The following FANCL variants were observed in gnomAD, a reference collection of about 807,000 sequenced individuals.
The protein encoded by FANCL is FA complementation group L.
Under a neutral mutation model 59.4 loss-of-function variants are expected in FANCL, and 69 were observed. That is an observed-to-expected ratio of 1.16 (90% CI 0.96 to 1.42). The LOEUF is 1.42. Among genes scored for constraint, FANCL ranks in the 40% most tolerant of loss-of-function variants. FANCL has a pLI of 0.00. For synonymous variants in FANCL, 180 were observed against 147.1 expected (o/e 1.22, Z -1.62); for missense variants, 519 against 447.2 (o/e 1.16, Z -1.45).
rs764186411 is a variant in FANCL at position 58,161,578 on chromosome 2, G to C, written c.964C>G (p.Gln322Glu). Residue 322 changes from glutamine (Q) to glutamate (E), a missense_variant, in exon 12 of 14, where the codon CAA becomes GAA. Gln to Glu is a conservative substitution (Grantham distance 29). Coordinates refer to ENST00000233741, the MANE Select transcript of FANCL (RefSeq NM_018062.4). ...AYQLDGTIPDQVCDNSQCGQP... is the reference protein window; with the variant it reads ...AYQLDGTIPDEVCDNSQCGQP... ...CCACACTGAGAATTATCACACACTT[G>C]ATCAGGAATGGTACCGTCAAGTTGA... 4 of 1,611,442 alleles carry C rather than the reference G, an allele frequency of 2.5e-6. No individual in the cohort carries two copies. The highest frequency in any genetic ancestry group is 3.4e-6 in the Non-Finnish European group (4 of 1,178,090).
chr2:58,171,550 A>C (rs1461655914), intron 7 of FANCL, among the ~76,000 whole-genome samples: 3 of 152,202 alleles, frequency 2.0e-5, no homozygotes, highest in African/African-American at 7.2e-5. Context: ...AGATAGAGAC[A>C]CGAAAAACCC....
chr2:58,221,841 C>T (rs1692509299), intron 5 of FANCL, 101 bp downstream of exon 5: 1 of 785,706 alleles, frequency 1.3e-6, no homozygotes, highest in South Asian at 1.5e-5. Flanking sequence ...TACAATTAAA[C>T]ACTTTGACTA....
intron 7 of FANCL, among the ~76,000 whole-genome samples, chr2:58,181,855 A>T (rs1475855522): frequency 6.6e-6 from 1 of 151,854 alleles, no homozygotes; most frequent in Non-Finnish European, 1.5e-5. Flanking sequence ...GAGAAAGCTG[A>T]CCAAATTATT....
chr2:58,168,994 G>A (rs1039385109), intron 7 of FANCL, among the ~76,000 whole-genome samples: 6 of 152,180 alleles, frequency 3.9e-5, no homozygotes, highest in South Asian at 2.1e-4. Flanking sequence ...GACAGAGCAC[G>A]TGGGGAAAGG....
chr2:58,201,028 T>C (rs1689959531), intron 6 of FANCL, among the ~76,000 whole-genome samples: 1 of 150,486 alleles, frequency 6.6e-6, no homozygotes, highest in Non-Finnish European at 1.5e-5. Context: ...TTTATGTAAG[T>C]CTGGATGATT....
At position 58,160,195 on chromosome 2, in the gene FANCL, G is replaced by A. The variant is rs758914385; in HGVS notation, c.1021-16C>T. 6.2e-7 allele frequency: 1 copy of A among 1,611,200 alleles called. No individual in the cohort carries two copies. The highest frequency in any genetic ancestry group is 1.7e-5 in the Admixed American group (1 of 59,966). On this transcript the variant is annotated splice_polypyrimidine_tract_variant and intron_variant, in intron 12 of 13. Coordinates refer to ENST00000233741, the MANE Select transcript of FANCL (RefSeq NM_018062.4). ...CTCTCAGCCACTGCAAATTTTAAAA[G>A]ATAAAGGAGAAGCGTCAGCATGATT...
chr2:58,240,864 G>C (rs1194328291), intron 1 of FANCL, among the ~76,000 whole-genome samples: 1 of 152,138 alleles, frequency 6.6e-6, no homozygotes, highest in Non-Finnish European at 1.5e-5. Context: ...GAGGTGGAGG[G>C]TGTTAAAATC....
At chr2:58,189,801 G>T (rs1688746095) in intron 7 of FANCL, among the ~76,000 whole-genome samples, 2 of 152,012 alleles carry the variant, frequency 1.3e-5, no homozygotes, top group Admixed American at 1.3e-4. Flanking sequence ...GCCAGAATGT[G>T]ATCTTTTGTG....
chr2:58,205,981 G>A (rs1024747631), intron 5 of FANCL, among the ~76,000 whole-genome samples: 1 of 152,056 alleles, frequency 6.6e-6, no homozygotes, highest in South Asian at 2.1e-4. Context: ...ACAATTTTTA[G>A]AATCCAAGAA....
chr2:58,159,745 C>T lies in FANCL; in HGVS notation c.*20G>A, dbSNP rs780301612. 2.5e-5 allele frequency: 41 copies of T among 1,612,678 alleles called. 1 individual carries two copies. The highest frequency in any genetic ancestry group is 2.3e-5 in the Non-Finnish European group (27 of 1,179,454). On this transcript the variant is annotated 3_prime_UTR_variant, in exon 14 of 14. Coordinates refer to ENST00000233741, the MANE Select transcript of FANCL (RefSeq NM_018062.4). Reference sequence around the variant, plus strand: ...ATTTTTTAAGTTTCCAGCTCTTCACCGAAATGTTGTATTCTTATTTCAGTG... The same window carrying T: ...ATTTTTTAAGTTTCCAGCTCTTCACTGAAATGTTGTATTCTTATTTCAGTG...
At chr2:58,235,784 G>A (rs528318449) in intron 1 of FANCL, among the ~76,000 whole-genome samples, 10 of 151,944 alleles carry the variant, frequency 6.6e-5, no homozygotes, top group South Asian at 2.1e-4. Context: ...AAACATGAGC[G>A]TACTAAATAG....
intron 2 of FANCL, 90 bp downstream of exon 2, chr2:58,231,964 A>T: frequency 9.1e-7 from 1 of 1,100,486 alleles, no homozygotes. Flanking sequence ...TTTAGGCAAA[A>T]CTCTAGTCAC....
intron 6 of FANCL, among the ~76,000 whole-genome samples, chr2:58,203,331 A>C (rs1690237267): frequency 1.3e-5 from 2 of 151,944 alleles, no homozygotes; most frequent in South Asian, 4.1e-4. Flanking sequence ...CACATTTTTA[A>C]AAAGGACAAA....
chr2:58,165,403 T>C (rs1355916768), intron 8 of FANCL, among the ~76,000 whole-genome samples: 1 of 152,196 alleles, frequency 6.6e-6, no homozygotes, highest in African/African-American at 2.4e-5. Context: ...TGCATTATTC[T>C]GACTTTTTTC....
At chr2:58,173,500 G>C (rs1193505180) in intron 7 of FANCL, among the ~76,000 whole-genome samples, 8 of 152,080 alleles carry the variant, frequency 5.3e-5, no homozygotes, top group Non-Finnish European at 1.0e-4. Context: ...TTAAAGAAAA[G>C]AATTTTCAAC....
chr2:58,159,875 T>G, intron 13 of FANCL, 75 bp from the exon 14 acceptor site: 4 of 1,593,534 alleles, frequency 2.5e-6, no homozygotes, highest in Non-Finnish European at 3.4e-6. Context: ...CTAGAAATAG[T>G]GTCATAGAAT....
At chr2:58,190,428 A>T (rs1286801650) in intron 7 of FANCL, among the ~76,000 whole-genome samples, 1 of 151,242 alleles carries the variant, frequency 6.6e-6, no homozygotes, top group African/African-American at 2.4e-5. Context: ...GGTACTTTCA[A>T]TCTTATCCTT....
chr2:58,177,839 T>A (rs1163202758), intron 7 of FANCL, among the ~76,000 whole-genome samples: 2 of 146,190 alleles, frequency 1.4e-5, no homozygotes, highest in African/African-American at 2.5e-5. Flanking sequence ...AATAGACCGC[T>A]AGCCAGACTA....
chr2:58,170,509 C>T (rs1354072209), intron 7 of FANCL, among the ~76,000 whole-genome samples: 1 of 152,084 alleles, frequency 6.6e-6, no homozygotes, highest in African/African-American at 2.4e-5. Flanking sequence ...ATCATAATGA[C>T]AGGATCAAAT....
Sources: gnomAD v4.1 joint callset for allele counts (sites outside exome capture counted in the v4.1 genomes callset) on GRCh38, gnomAD v4.1.1 for gene constraint, MANE v1.5 for transcripts, NCBI Gene and HGNC (gene_info 2026-07-23, HGNC 2026-07-21) for gene names.